Variants in CELSR3 observed in about 807,000 individuals in gnomAD.
The protein encoded by CELSR3 is cadherin EGF LAG seven-pass G-type receptor 3.
Under a neutral mutation model 270.0 loss-of-function variants are expected in CELSR3, and 73 were observed. The observed-to-expected ratio is 0.27, with a 90% CI of 0.22 to 0.33. CELSR3 has a LOEUF of 0.33. CELSR3 is among the 10% of genes least tolerant of loss of function. CELSR3 has a pLI of 1.00. For synonymous variants in CELSR3, 1,780 were observed against 1,905.4 expected (o/e 0.93, Z 1.71); for missense variants, 3,614 against 4,533.8 (o/e 0.80, Z 5.83).
rs1416905510 is a variant in CELSR3 at position 48,652,234 on chromosome 3, A to C, written c.5752-186T>G. ...GGACCCTAATTGTGCTGTTTCTGAC[A>C]CAGATTCCTAAAGGCCCTTGATAAT... On this transcript the variant is annotated intron_variant, in intron 11 of 34. Transcript: ENST00000164024. The surrounding 1 kb of genome is among the most constrained non-coding windows in gnomAD (Gnocchi z 4.3). Among the ~76,000 whole-genome samples, 1 of 152,176 alleles carries C rather than the reference A, an allele frequency of 6.6e-6. No individual in the cohort carries two copies. Among genetic ancestry groups the C allele is most frequent in the Non-Finnish European group, 1.5e-5 (1 of 68,028 alleles).
chr3:48,661,226 T>C lies in CELSR3; in HGVS notation c.1409A>G (p.Tyr470Cys). 1 of 1,605,296 alleles carries C rather than the reference T, an allele frequency of 6.2e-7. No individual in the cohort carries two copies. Among genetic ancestry groups the C allele is most frequent in the Non-Finnish European group, 8.5e-7 (1 of 1,175,426 alleles). The change falls in exon 1 of 35, where the codon TAC (tyrosine) becomes TGC (cysteine). Residue 470 changes from tyrosine (Y) to cysteine (C), a missense_variant. Physicochemically the swap from Tyr to Cys is radical, Grantham distance 194 (BLOSUM62 -2). Transcript: ENST00000164024. ...GDAPPNANLR[Y>C]RFVGPPAARA... ...CGCAGCTGGCGGCCCCACGAAGCGG[T>C]AGCGCAGGTTGGCGTTGGGGGGCGC...
intron 16 of CELSR3, among the ~76,000 whole-genome samples, chr3:48,649,863 G>A (rs1292163777): frequency 6.6e-6 from 1 of 152,134 alleles, no homozygotes; most frequent in African/African-American, 2.4e-5. Flanking sequence ...AGATACACAC[G>A]TGAGCATGCG....
intron 20 of CELSR3, 117 bp from the exon 21 acceptor site, chr3:48,647,045 A>T: frequency 1.0e-6 from 1 of 974,264 alleles, no homozygotes; most frequent in Non-Finnish European, 1.5e-6. Flanking sequence ...AGAATTGGGG[A>T]GTGCAGGGAG....
Position 48,661,573 on chromosome 3 carries a change from G to C in CELSR3, c.1062C>G (p.Ala354=). The change falls in exon 1 of 35, where the codon GCC becomes GCG. Residue 354 remains alanine (A), a synonymous_variant. Coordinates refer to ENST00000164024, the MANE Select transcript of CELSR3 (RefSeq NM_001407.3). ...AGTAGACTAGGCGCCCGGCCTCGCC[G>C]GCGTCCGGGTCCTGAGCAACCACGC... is the stretch of plus-strand genomic sequence containing the variant. ...VLRVVAQDPD[A]GEAGRLVYSL... The C allele has an allele frequency of 6.2e-7, 1 of 1,608,752 alleles. No homozygotes were observed. Among genetic ancestry groups the C allele is most frequent in the South Asian group, 1.1e-5 (1 of 90,882 alleles).
At chr3:48,643,787 G>C in intron 27 of CELSR3, 110 bp from the exon 28 acceptor site, 1 of 1,304,430 alleles carries the variant, frequency 7.7e-7, no homozygotes, top group Non-Finnish European at 1.0e-6. Flanking sequence ...TGAAAAAAAG[G>C]AACTCACACG....
Position 48,655,913 on chromosome 3 carries a change from C to T in CELSR3, c.4626-62G>A, listed in dbSNP as rs1411715161. 17 of 1,327,862 alleles carry T rather than the reference C, an allele frequency of 1.3e-5. No individual in the cohort carries two copies. Among genetic ancestry groups the T allele is most frequent in the Non-Finnish European group, 1.7e-5 (16 of 945,678 alleles). 82.3% of individuals were successfully genotyped at this position (1,327,862 alleles called of 1,614,324 possible). ...GTCAGGAGCAGGGTACCACTTCACA[C>T]CCACCATCCCTGCGAGGAGAAGGGG... On this transcript the variant is annotated intron_variant, in intron 3 of 34. Transcript: ENST00000164024. This position sits in a 1 kb window ranked among gnomAD's most constrained non-coding sequence, Gnocchi z 5.8.
At position 48,645,352 on chromosome 3, in the gene CELSR3, C is replaced by T. The variant is rs772728073; in HGVS notation, c.7797+91G>A. On this transcript the variant is annotated intron_variant, in intron 24 of 34. Coordinates refer to ENST00000164024, the MANE Select transcript of CELSR3 (RefSeq NM_001407.3). This position sits in a 1 kb window ranked among gnomAD's most constrained non-coding sequence, Gnocchi z 5.4. ...CTGAAAACCCTGGCCCCAACCTGAG[C>T]ATCCCTGACCTCTGACCCTGAGTTT... 14 of 1,572,332 alleles carry T rather than the reference C, an allele frequency of 8.9e-6. No individual in the cohort carries two copies. Among genetic ancestry groups the T allele is most frequent in the Non-Finnish European group, 1.1e-5 (13 of 1,147,216 alleles).
At chr3:48,643,775 C>A in intron 27 of CELSR3, 98 bp from the exon 28 acceptor site, 1 of 1,416,388 alleles carries the variant, frequency 7.1e-7, no homozygotes, top group South Asian at 1.4e-5. Context: ...ACACACGAAA[C>A]GTGAAAAAAA....
rs368695601 is a variant in CELSR3 at position 48,655,233 on chromosome 3, C to A, written c.4831-32G>T. 33 of 1,613,972 alleles carry A rather than the reference C, an allele frequency of 2.0e-5. No homozygotes were observed. The African/African-American group carries it at 4.3e-4, about 21-fold the overall frequency. Reference sequence around the variant, plus strand: ...ACGCAGGCACACCAGTCAACAGTGCCCCCAGTAACCCCTGAGGAGCAGAAG... The same window carrying A: ...ACGCAGGCACACCAGTCAACAGTGCACCCAGTAACCCCTGAGGAGCAGAAG... On this transcript the variant is annotated intron_variant, in intron 5 of 34. Coordinates refer to ENST00000164024, the MANE Select transcript of CELSR3 (RefSeq NM_001407.3). This position sits in a 1 kb window ranked among gnomAD's most constrained non-coding sequence, Gnocchi z 5.8.
rs1165077132 is a variant in CELSR3 at position 48,644,823 on chromosome 3, C to T, written c.7978G>A (p.Ala2660Thr). Residue 2660 changes from alanine to threonine, a missense_variant, in exon 26 of 35, where the codon GCT becomes ACT. Physicochemically the swap from Ala to Thr is moderately conservative, Grantham distance 58. This residue lies in a region of CELSR3 where 1,240 missense variants were observed against 1,351.7 expected (regional missense o/e 0.92). Coordinates refer to ENST00000164024, the MANE Select transcript of CELSR3 (RefSeq NM_001407.3). This position sits in a 1 kb window ranked among gnomAD's most constrained non-coding sequence, Gnocchi z 4.8. ...WGVPAVLLGLAVGLDPEGYGN... is the reference protein window; with the variant it reads ...WGVPAVLLGLTVGLDPEGYGN... ...TAGCCCTCAGGGTCCAGGCCCACAGCAAGGCCTTGGGAAGAGAAAGGGTAG... is the reference window on the plus strand; with the variant it reads ...TAGCCCTCAGGGTCCAGGCCCACAGTAAGGCCTTGGGAAGAGAAAGGGTAG... 6.2e-7 allele frequency: 1 copy of T among 1,612,994 alleles called. No individual in the cohort carries two copies. Among genetic ancestry groups the T allele is most frequent in the Non-Finnish European group, 8.5e-7 (1 of 1,179,668 alleles).
chr3:48,648,577 G>A (rs983615869), intron 18 of CELSR3, 116 bp from the exon 19 acceptor site: 32 of 1,368,254 alleles, frequency 2.3e-5, no homozygotes, highest in South Asian at 1.7e-4. Context: ...GCAAGGGGGC[G>A]GGGCTGGAGA....
In CELSR3 at chr3:48,642,693, G is replaced by A. The variant is rs768055674; in HGVS notation, c.8555+43C>T. 1 of 1,590,162 alleles carries A rather than the reference G, an allele frequency of 6.3e-7. No homozygotes were observed. The highest frequency in any genetic ancestry group is 8.5e-7 in the Non-Finnish European group (1 of 1,172,042). On this transcript the variant is annotated intron_variant, in intron 30 of 34. Coordinates refer to ENST00000164024, the MANE Select transcript of CELSR3 (RefSeq NM_001407.3). This position sits in a 1 kb window ranked among gnomAD's most constrained non-coding sequence, Gnocchi z 6.1. ...GCCAAGCCCTGGTAAGGTGGGGCTG[G>A]ACTAAGCTGAGTGTTCCCTCACAAG...
At position 48,650,720 on chromosome 3, in the gene CELSR3, T is replaced by G; in HGVS notation, c.6371-139A>C. The G allele has an allele frequency of 9.8e-7, 1 of 1,018,170 alleles. No homozygotes were observed. Among genetic ancestry groups the G allele is most frequent in the Non-Finnish European group, 1.4e-6 (1 of 700,250 alleles). 63.1% of individuals were successfully genotyped at this position (1,018,170 alleles called of 1,614,324 possible). A position where few individuals can be genotyped will look rare whatever the true frequency, so the allele number is the denominator to read the frequency against. ...CTTCTCAGGAGCTGACCTGTCAGAT[T>G]CTGTGACAGGTCAGCAAAGTACTTG... is the stretch of plus-strand genomic sequence containing the variant. On this transcript the variant is annotated intron_variant, in intron 15 of 34. Transcript: ENST00000164024. This position sits in a 1 kb window ranked among gnomAD's most constrained non-coding sequence, Gnocchi z 5.1.
chr3:48,662,414 C>T lies in CELSR3; in HGVS notation c.221G>A (p.Gly74Glu), dbSNP rs757354635. Reference sequence around the variant, plus strand: ...CTCCCTGACCCCCAGGCCAGGCCCCCCATCCTCCCGGACCCCGGAAGACTC... The same window carrying T: ...CTCCCTGACCCCCAGGCCAGGCCCCTCATCCTCCCGGACCCCGGAAGACTC... The part of the protein sequence containing the change: ...CPESSGVRED[G>E]GPGLGVREPI... Residue 74 changes from glycine to glutamate, a missense_variant, in exon 1 of 35, where the codon GGG (glycine) becomes GAG (glutamate). Gly to Glu is a moderately conservative substitution (Grantham distance 98). Coordinates refer to ENST00000164024, the MANE Select transcript of CELSR3 (RefSeq NM_001407.3). This position sits in a 1 kb window ranked among gnomAD's most constrained non-coding sequence, Gnocchi z 7.1. The T allele has an allele frequency of 1.2e-6, 2 of 1,612,900 alleles. No individual in the cohort carries two copies. The highest frequency in any genetic ancestry group is 1.7e-4 in the Middle Eastern group (1 of 6,058).
At position 48,658,399 on chromosome 3, in the gene CELSR3, C is replaced by T. The variant is rs2077039516; in HGVS notation, c.3748+488G>A. Among the ~76,000 whole-genome samples the T allele has an allele frequency of 6.6e-6, 1 of 152,186 alleles. No homozygotes were observed. The highest frequency in any genetic ancestry group is 2.4e-5 in the African/African-American group (1 of 41,436). On this transcript the variant is annotated intron_variant, in intron 1 of 34. Transcript: ENST00000164024. This position sits in a 1 kb window ranked among gnomAD's most constrained non-coding sequence, Gnocchi z 4.7. ...TTTCCCAAAGGTCAGGGTCTCAGGC[C>T]CTACGAAGCCACTGTCCACCTGAAG... is the stretch of plus-strand genomic sequence containing the variant.
Position 48,638,179 on chromosome 3 carries a change from T to C in CELSR3, c.*26A>G, listed in dbSNP as rs767710344. The C allele has an allele frequency of 1.9e-6, 3 of 1,607,420 alleles. No homozygotes were observed. Among genetic ancestry groups the C allele is most frequent in the South Asian group, 1.1e-5 (1 of 90,964 alleles). On this transcript the variant is annotated 3_prime_UTR_variant, in exon 35 of 35. Transcript: ENST00000164024. ...GCCTAGATCCTCTGTCGCCCTCAGC[T>C]GTTCCTCGTCCACGCCGTCATCCCC...
chr3:48,652,409 CAT>C lies in CELSR3; in HGVS notation c.5751+26_5751+27del. 6.5e-7 allele frequency: 1 copy of C among 1,538,940 alleles called. No individual in the cohort carries two copies. The highest frequency in any genetic ancestry group is 9.0e-7 in the Non-Finnish European group (1 of 1,111,698). On this transcript the variant is annotated intron_variant, in intron 11 of 34. Transcript: ENST00000164024. This position sits in a 1 kb window ranked among gnomAD's most constrained non-coding sequence, Gnocchi z 4.3. ...CTTCTGACCCCTGACCCTAATGCCC[CAT>C]ATCACATTCCCATGCTGACCCCCAC...
Position 48,644,954 on chromosome 3 carries a change from T to C in CELSR3, c.7972+81A>G, listed in dbSNP as rs2047065509. ...TGAATAGATGGCTTGGGGTTTGAGG[T>C]TGGGGGTCATGAGCAGGAGTGGGGA... On this transcript the variant is annotated intron_variant, in intron 25 of 34. Coordinates refer to ENST00000164024, the MANE Select transcript of CELSR3 (RefSeq NM_001407.3). This position sits in a 1 kb window ranked among gnomAD's most constrained non-coding sequence, Gnocchi z 4.8. 6 of 1,534,370 alleles carry C rather than the reference T, an allele frequency of 3.9e-6. No homozygotes were observed. Among genetic ancestry groups the C allele is most frequent in the East Asian group, 2.3e-5 (1 of 43,802 alleles).
Position 48,640,307 on chromosome 3 carries a change from A to G in CELSR3, c.9278T>C (p.Leu3093Pro). Residue 3093 changes from leucine (L) to proline (P), a missense_variant, in exon 34 of 35, where the codon CTA (leucine) becomes CCA (proline). By Grantham distance (98) the Leu-to-Pro change is moderately conservative. This residue lies in a region of CELSR3 where 1,240 missense variants were observed against 1,351.7 expected (regional missense o/e 0.92). Transcript: ENST00000164024. The surrounding 1 kb of genome is among the most constrained non-coding windows in gnomAD (Gnocchi z 7.5). ...ERLEEAPAPV[L>P]RPLSRPGSQE... ...GGACCCTGGCCGGCTCAGGGGACGT[A>G]GAACAGGGGCAGGGGCTTCCTCTAG... is the stretch of plus-strand genomic sequence containing the variant. The G allele has an allele frequency of 6.2e-7, 1 of 1,612,802 alleles. No individual in the cohort carries two copies. Among genetic ancestry groups the G allele is most frequent in the Non-Finnish European group, 8.5e-7 (1 of 1,179,930 alleles).
Sources: allele counts gnomAD v4.1 joint callset (sites outside exome capture counted in the v4.1 genomes callset), GRCh38; gene constraint gnomAD v4.1.1; regional missense constraint gnomAD v4.1.1; non-coding constraint Gnocchi (gnomAD v3.1); transcripts MANE v1.5; gene names NCBI Gene and HGNC (gene_info 2026-07-23, HGNC 2026-07-21).